Variants in GLIS3 observed in about 807,000 individuals in gnomAD.
GLIS3 encodes zinc finger protein GLIS3.
A neutral mutation model predicts 78.6 loss-of-function variants in GLIS3; 53 were observed. That is an observed-to-expected ratio of 0.67 (90% CI 0.54 to 0.85). The LOEUF (loss-of-function observed/expected upper bound fraction) is 0.85. Among genes scored for constraint, GLIS3 ranks in the 40% least tolerant of loss-of-function variants. The pLI, the probability that GLIS3 is intolerant of heterozygous loss-of-function variation, is 0.00. For missense variants in GLIS3, 1,703 were observed against 1,231.1 expected (o/e 1.38, Z -5.74); for synonymous variants, 684 against 509.9 (o/e 1.34, Z -4.60).
At chr9:4,415,083 A>T in the GLIS3 span, among the ~76,000 whole-genome samples, 3 of 152,102 alleles carry the variant, frequency 2.0e-5, no homozygotes, top group Non-Finnish European at 4.4e-5. Context: ...TTTCTTTGAC[A>T]CTGGTTAAAA....
chr9:4,363,398 G>A, the GLIS3 span, among the ~76,000 whole-genome samples: 3 of 152,220 alleles, frequency 2.0e-5, no homozygotes, highest in South Asian at 2.1e-4. Flanking sequence ...ACTCCTGGGT[G>A]ACAGAGACTC....
intron 2 of GLIS3, among the ~76,000 whole-genome samples, chr9:4,235,622 C>G (rs1487666634): frequency 6.6e-6 from 1 of 152,126 alleles, no homozygotes; most frequent in Non-Finnish European, 1.5e-5. Context: ...TGTCTGTCCT[C>G]TTTGGAACGA....
chr9:4,282,593 T>A (rs1304438989), intron 2 of GLIS3, among the ~76,000 whole-genome samples: 3 of 152,148 alleles, frequency 2.0e-5, no homozygotes, highest in Non-Finnish European at 4.4e-5. Context: ...GACTACATCG[T>A]GGGTTCTCCT....
intron 1 of GLIS3, among the ~76,000 whole-genome samples, chr9:4,287,914 G>A (rs190043412): frequency 6.6e-6 from 1 of 152,304 alleles, no homozygotes; most frequent in East Asian, 1.9e-4. Context: ...AATGTAGAAT[G>A]TTTTCTTAAT....
intron 8 of GLIS3, among the ~76,000 whole-genome samples, chr9:3,866,595 G>A (rs1820604764): frequency 6.6e-6 from 1 of 152,182 alleles, no homozygotes; most frequent in Admixed American, 6.5e-5. Context: ...GTGGCTTTCA[G>A]GTTTCAGGAA....
the GLIS3 span, among the ~76,000 whole-genome samples, chr9:4,409,758 G>A: frequency 3.3e-5 from 5 of 152,102 alleles, no homozygotes; most frequent in Non-Finnish European, 5.9e-5. Flanking sequence ...TGAAAAAAAG[G>A]GAATTTCTCA....
intron 4 of GLIS3, among the ~76,000 whole-genome samples, chr9:4,048,816 C>G (rs1825469902): frequency 6.6e-6 from 1 of 152,190 alleles, no homozygotes; most frequent in African/African-American, 2.4e-5. Context: ...GCACAAATAT[C>G]TGACCAACAA....
intron 7 of GLIS3, among the ~76,000 whole-genome samples, chr9:3,883,847 G>T (rs1463359760): frequency 1.3e-5 from 2 of 152,208 alleles, no homozygotes; most frequent in African/African-American, 4.8e-5. Context: ...GTGATTAAGA[G>T]ATGGTAGTCT....
chr9:3,961,073 G>A (rs138302839), intron 4 of GLIS3, among the ~76,000 whole-genome samples: 1 of 152,092 alleles, frequency 6.6e-6, no homozygotes, highest in East Asian at 1.9e-4. Context: ...TTCTTCTTTG[G>A]GGTCATTAAG....
the GLIS3 span, among the ~76,000 whole-genome samples, chr9:4,412,002 C>T: frequency 2.0e-5 from 3 of 152,216 alleles, no homozygotes; most frequent in Admixed American, 6.5e-5. Flanking sequence ...AGACAGCACA[C>T]AATCTTAACA....
chr9:4,212,536 G>C (rs1820467260), intron 2 of GLIS3, among the ~76,000 whole-genome samples: 1 of 152,174 alleles, frequency 6.6e-6, no homozygotes, highest in Admixed American at 6.5e-5. Flanking sequence ...GCTACAACAG[G>C]GGCAGGGATG....
At chr9:4,079,512 C>A (rs1828367531) in intron 4 of GLIS3, among the ~76,000 whole-genome samples, 1 of 152,158 alleles carries the variant, frequency 6.6e-6, no homozygotes. Flanking sequence ...GCATGTCCAG[C>A]AATGTTCCTG....
the GLIS3 span, among the ~76,000 whole-genome samples, chr9:4,353,501 G>C: frequency 2.0e-5 from 3 of 152,206 alleles, no homozygotes; most frequent in South Asian, 6.2e-4. Context: ...CAAGAAATGA[G>C]TAAGGCATTT....
At chr9:4,379,694 T>A in the GLIS3 span, among the ~76,000 whole-genome samples, 1 of 152,164 alleles carries the variant, frequency 6.6e-6, no homozygotes, top group Non-Finnish European at 1.5e-5. Flanking sequence ...CCCGCTCCAT[T>A]TGCAGTCAGC....
intron 4 of GLIS3, among the ~76,000 whole-genome samples, chr9:3,976,708 C>G (rs1295863669): frequency 6.9e-6 from 1 of 145,474 alleles, no homozygotes; most frequent in Non-Finnish European, 1.5e-5. Flanking sequence ...TAGGACACAC[C>G]CATTTACTTG....
At chr9:4,042,701 A>G (rs961565902) in intron 4 of GLIS3, among the ~76,000 whole-genome samples, 1 of 152,206 alleles carries the variant, frequency 6.6e-6, no homozygotes, top group Non-Finnish European at 1.5e-5. Flanking sequence ...CCACTATAAC[A>G]AAACAAAACT....
rs1343133831 is a variant in GLIS3, at chr9:3,869,553, AT to A, written c.2297+9873del. Among the ~76,000 whole-genome samples the A allele has an allele frequency of 2.6e-5, 4 of 152,370 alleles. No individual in the cohort carries two copies. In the East Asian group the frequency reaches 7.7e-4, roughly 29 times the overall value. ...ATATATTAGAGCAACTATGCATTGT[AT>A]CAAAGTACGCAGGTTATACAAGATG... On this transcript the variant is annotated intron_variant, in intron 8 of 10. Coordinates refer to ENST00000381971, the MANE Select transcript of GLIS3 (RefSeq NM_001042413.2).
chr9:4,137,037 T>G (rs560606902), intron 2 of GLIS3, among the ~76,000 whole-genome samples: 5 of 152,056 alleles, frequency 3.3e-5, no homozygotes. Flanking sequence ...CTGGAAGAGA[T>G]GGGGAGAAAG....
intron 2 of GLIS3, among the ~76,000 whole-genome samples, chr9:4,223,948 C>G (rs189433417): frequency 5.9e-5 from 9 of 151,356 alleles, no homozygotes; most frequent in African/African-American, 2.2e-4. Flanking sequence ...ATAAACAATA[C>G]GGGGAAAATG....
Sources: allele counts gnomAD v4.1 joint callset (sites outside exome capture counted in the v4.1 genomes callset), GRCh38; gene constraint gnomAD v4.1.1; transcripts MANE v1.5; gene names NCBI Gene and HGNC (gene_info 2026-07-23, HGNC 2026-07-21).